OTUD7A: variants seen among roughly 807,000 people sequenced by gnomAD.
OTUD7A encodes OTU domain-containing protein 7A.
A neutral mutation model predicts 65.7 loss-of-function variants in OTUD7A; 12 were observed. The observed-to-expected ratio is 0.18, with a 90% CI of 0.12 to 0.30. The LOEUF (loss-of-function observed/expected upper bound fraction) is 0.30, where lower values mean the gene tolerates loss of function less well. Ranked by LOEUF, OTUD7A falls within the 10% of genes least tolerant of loss-of-function variation. OTUD7A has a pLI of 1.00. For synonymous variants in OTUD7A, 641 were observed against 586.3 expected, an observed-to-expected ratio of 1.09 and a Z score of -1.35; for missense variants, 1,148 against 1,304.8, an observed-to-expected ratio of 0.88 and a Z score of 1.85.
rs139541594 is a variant in OTUD7A at position 31,489,126 on chromosome 15, CACAA to C, written c.1172-1564_1172-1561del. On this transcript the variant is annotated intron_variant, in intron 10 of 12. Coordinates refer to ENST00000307050, the MANE Select transcript of OTUD7A (RefSeq NM_001382637.1). ...TGTCCCATAGTTCTATGAGTCACTACACAAACAGAGAAGGGGTTAGCCTCGCTTC... is the reference window on the plus strand; with the variant it reads ...TGTCCCATAGTTCTATGAGTCACTACACAGAGAAGGGGTTAGCCTCGCTTC... Among the ~76,000 whole-genome samples, 1,393 of 152,270 alleles carry C rather than the reference CACAA, an allele frequency of 9.1e-3. 17 individuals are homozygous for C. The highest frequency in any genetic ancestry group is 0.012 in the Non-Finnish European group (829 of 68,020).
chr15:31,492,679 A>G (rs575792127), intron 10 of OTUD7A, among the ~76,000 whole-genome samples: 5 of 152,288 alleles, frequency 3.3e-5, no homozygotes, highest in Admixed American at 6.5e-5. Flanking sequence ...TAACAGGTCC[A>G]TAGTGGAAAT....
At chr15:31,501,667 A>G (rs571786979) in intron 10 of OTUD7A, 23 bp downstream of exon 10, 12 of 1,613,446 alleles carry the variant, frequency 7.4e-6, no homozygotes, top group Non-Finnish European at 1.0e-5. Context: ...TCCTGCGTGC[A>G]CTCTCTTGGG....
intron 1 of OTUD7A, among the ~76,000 whole-genome samples, chr15:31,758,474 C>T (rs923700178): frequency 2.0e-5 from 3 of 152,164 alleles, no homozygotes; most frequent in African/African-American, 4.8e-5. Context: ...CTCCCTTCCC[C>T]GACGCTCTTC....
At chr15:31,542,291 T>C (rs1016853116) in intron 5 of OTUD7A, among the ~76,000 whole-genome samples, 17 of 151,912 alleles carry the variant, frequency 1.1e-4, no homozygotes, top group African/African-American at 3.9e-4. Context: ...TAAAAATGTT[T>C]AAAATACACA....
At chr15:31,573,139 G>A (rs1019575377) in intron 3 of OTUD7A, among the ~76,000 whole-genome samples, 17 of 152,076 alleles carry the variant, frequency 1.1e-4, no homozygotes, top group African/African-American at 4.1e-4. Context: ...AAAAAAGAAA[G>A]AAAATCAGGT....
rs939800393 is a variant in OTUD7A at position 31,479,359 on chromosome 15, A to T, written c.*3935T>A. The T allele has an allele frequency of 2.6e-5, 4 of 152,172 alleles. No individual in the cohort carries two copies. Among genetic ancestry groups the T allele is most frequent in the Non-Finnish European group, 4.4e-5 (3 of 68,034 alleles). The allele number at this position is 152,172 out of a possible 1,614,324, so 9.4% of individuals were successfully genotyped here. On this transcript the variant is annotated 3_prime_UTR_variant, in exon 13 of 13. Transcript: ENST00000307050. ...GCACTGAGGAAAGAAAAAGGACAGA[A>T]CACTGGGGGTACTTAATTTTAAAGT...
rs564678367 is a variant in OTUD7A at position 31,590,786 on chromosome 15, T to C, written c.152-20589A>G. Among the ~76,000 whole-genome samples the C allele has an allele frequency of 1.6e-4, 24 of 152,264 alleles. No homozygotes were observed. In the South Asian group the frequency reaches 3.9e-3, roughly 25 times the overall value. On this transcript the variant is annotated intron_variant, in intron 3 of 12. Transcript: ENST00000307050. ...AGCGTTTTCATGGCAGCTGAAGAAA[T>C]AGCTAAACTGAACAGCCTATAGCTA...
chr15:31,511,102 A>ATCTATATGTAACATACATATATATG (rs2041717845), intron 8 of OTUD7A, among the ~76,000 whole-genome samples: 1 of 38,328 alleles, frequency 2.6e-5, no homozygotes. Context: ...ACATATGTAT[A>ATCTATATGTAACATACATATATATG]TCTATATGTA....
intron 1 of OTUD7A, among the ~76,000 whole-genome samples, chr15:31,718,146 TTGA>T (rs1321258193): frequency 1.3e-5 from 2 of 152,232 alleles, no homozygotes; most frequent in African/African-American, 4.8e-5. Flanking sequence ...TTGGTCCATG[TTGA>T]TGATGCTTAT....
Position 31,560,530 on chromosome 15 carries a change from T to C in OTUD7A, c.332-1343A>G, listed in dbSNP as rs190194121. Among the ~76,000 whole-genome samples the C allele has an allele frequency of 5.4e-3, 828 of 152,344 alleles. 3 individuals are homozygous for C. The highest frequency in any genetic ancestry group is 8.8e-3 in the Non-Finnish European group (599 of 68,028). ...GTGTTCTAATGACTAACATTGAACA[T>C]AAAACAAGAATGCTTAAATATATGT... On this transcript the variant is annotated intron_variant, in intron 4 of 12. Transcript: ENST00000307050.
chr15:31,485,571 G>T (rs2141063261), intron 12 of OTUD7A, among the ~76,000 whole-genome samples: 1 of 152,106 alleles, frequency 6.6e-6, no homozygotes, highest in East Asian at 1.9e-4. Context: ...GGGGTGGGGG[G>T]ACCCTGAGAA....
At chr15:31,771,655 A>C (rs1895237568) in intron 1 of OTUD7A, among the ~76,000 whole-genome samples, 1 of 152,104 alleles carries the variant, frequency 6.6e-6, no homozygotes, top group African/African-American at 2.4e-5. Context: ...CCTTATCTCC[A>C]TCTCCACCTC....
At chr15:31,622,862 T>C (rs1890835202) in intron 3 of OTUD7A, among the ~76,000 whole-genome samples, 1 of 152,246 alleles carries the variant, frequency 6.6e-6, no homozygotes, top group African/African-American at 2.4e-5. Flanking sequence ...ATTTTCAGTT[T>C]TTCTGCTCTG....
chr15:31,584,678 C>CT (rs1188757657), intron 3 of OTUD7A, among the ~76,000 whole-genome samples: 59 of 152,316 alleles, frequency 3.9e-4, no homozygotes, highest in Non-Finnish European at 7.8e-4. Flanking sequence ...TACATAGGAA[C>CT]ATGTCACCAG....
At chr15:31,755,037 T>C (rs1182780775) in intron 1 of OTUD7A, among the ~76,000 whole-genome samples, 1 of 149,762 alleles carries the variant, frequency 6.7e-6, no homozygotes, top group Non-Finnish European at 1.5e-5. Context: ...GTGTGTGTGA[T>C]TATGTGTGTG....
intron 1 of OTUD7A, among the ~76,000 whole-genome samples, chr15:31,749,691 G>A (rs1344355771): frequency 6.6e-6 from 1 of 152,052 alleles, no homozygotes; most frequent in Non-Finnish European, 1.5e-5. Flanking sequence ...ACATAGTGCT[G>A]GAAGTCCTAA....
intron 1 of OTUD7A, among the ~76,000 whole-genome samples, chr15:31,719,642 C>G (rs1961529): frequency 0.69 from 105,261 of 151,842 alleles, 36,927 homozygotes; most frequent in South Asian, 0.8. Context: ...TGCCCTGCCA[C>G]GCTGACTTCT....
At chr15:31,542,004 C>T (rs772491872) in intron 5 of OTUD7A, among the ~76,000 whole-genome samples, 1 of 152,034 alleles carries the variant, frequency 6.6e-6, no homozygotes, top group African/African-American at 2.4e-5. Flanking sequence ...AACCAGTAAG[C>T]CAAGAAATTA....
intron 5 of OTUD7A, among the ~76,000 whole-genome samples, chr15:31,551,023 C>T (rs887455950): frequency 6.6e-6 from 1 of 152,168 alleles, no homozygotes; most frequent in Admixed American, 6.5e-5. Context: ...GGCAGGTAGG[C>T]AGGATGCAGC....
Sources: gnomAD v4.1 joint callset for allele counts (sites outside exome capture counted in the v4.1 genomes callset) on GRCh38, gnomAD v4.1.1 for gene constraint, MANE v1.5 for transcripts, NCBI Gene and HGNC (gene_info 2026-07-23, HGNC 2026-07-21) for gene names.